The following TEKT5 variants were observed in gnomAD, a reference collection of about 807,000 sequenced individuals.
TEKT5 encodes the protein tektin-5.
Under a neutral mutation model 48.7 loss-of-function variants are expected in TEKT5, and 52 were observed. That is an observed-to-expected ratio of 1.07 (90% CI 0.86 to 1.35). The LOEUF (loss-of-function observed/expected upper bound fraction) is 1.35, where lower values mean the gene tolerates loss of function less well. TEKT5 is among the 40% of genes most tolerant of loss of function. The pLI is 0.00. For synonymous variants in TEKT5, 318 were observed against 267.6 expected (o/e 1.19, Z -1.84); for missense variants, 831 against 641.6 (o/e 1.30, Z -3.19).
intron 6 of TEKT5, among the ~76,000 whole-genome samples, chr16:10,628,389 C>G (rs1184851721): frequency 2.0e-5 from 3 of 152,222 alleles, no homozygotes; most frequent in Non-Finnish European, 4.4e-5. Context: ...ATAAGTTAGA[C>G]ATAGACTTAC....
intron 5 of TEKT5, among the ~76,000 whole-genome samples, chr16:10,665,595 T>C (rs982106995): frequency 6.6e-6 from 1 of 152,144 alleles, no homozygotes; most frequent in African/African-American, 2.4e-5. Context: ...TCCTCTCCCA[T>C]TTGGCATAGT....
At chr16:10,665,944 C>T (rs188752747) in intron 5 of TEKT5, among the ~76,000 whole-genome samples, 21 of 152,312 alleles carry the variant, frequency 1.4e-4, no homozygotes, top group Admixed American at 6.5e-4. Context: ...CCTACAGGAA[C>T]GCAGTCTTCA....
At chr16:10,631,509 G>T (rs1897841481) in intron 6 of TEKT5, among the ~76,000 whole-genome samples, 1 of 152,018 alleles carries the variant, frequency 6.6e-6, no homozygotes, top group Non-Finnish European at 1.5e-5. Flanking sequence ...CGGATCGGGT[G>T]GTGTTCCTCA....
At chr16:10,682,286 A>C in intron 3 of TEKT5, 150 bp from the exon 4 acceptor site, 1 of 769,368 alleles carries the variant, frequency 1.3e-6, no homozygotes. Flanking sequence ...GTCCCACCAC[A>C]TACCCAGAGG....
Position 10,689,940 on chromosome 16 carries a change from A to G in TEKT5, c.648+2T>C. 1 of 1,613,606 alleles carries G rather than the reference A, an allele frequency of 6.2e-7. No individual in the cohort carries two copies. Among genetic ancestry groups the G allele is most frequent in the Non-Finnish European group, 8.5e-7 (1 of 1,179,910 alleles). ...GCTGGGCAGAACCAGGAGATGCCTT[A>G]CCCGGATAAGGTTTTTCTCCACGTT... is the stretch of plus-strand genomic sequence containing the variant. On this transcript the variant is annotated splice_donor_variant, in intron 2 of 6. Coordinates refer to ENST00000283025, the MANE Select transcript of TEKT5 (RefSeq NM_144674.2). LOFTEE classifies it high-confidence loss of function.
chr16:10,658,284 G>C (rs62025795), intron 5 of TEKT5, among the ~76,000 whole-genome samples: 1 of 152,108 alleles, frequency 6.6e-6, no homozygotes, highest in African/African-American at 2.4e-5. Flanking sequence ...ATGAGAAAGA[G>C]TCCATATGTC....
intron 6 of TEKT5, among the ~76,000 whole-genome samples, chr16:10,628,561 C>T (rs1300047676): frequency 6.6e-6 from 1 of 152,130 alleles, no homozygotes; most frequent in South Asian, 2.1e-4. Context: ...AGTGGATAAG[C>T]ACAATGTAAT....
At chr16:10,640,274 C>T (rs2430642) in intron 5 of TEKT5, among the ~76,000 whole-genome samples, 3,436 of 152,060 alleles carry the variant, frequency 0.023, 129 homozygotes, top group African/African-American at 0.079. Flanking sequence ...TCCTCAGTAG[C>T]TGGGACTACA....
At chr16:10,644,799 C>T (rs566282717) in intron 5 of TEKT5, among the ~76,000 whole-genome samples, 1 of 152,282 alleles carries the variant, frequency 6.6e-6, no homozygotes, top group South Asian at 2.1e-4. Context: ...ATATAAACAA[C>T]AAAGCACTTT....
chr16:10,655,743 G>C (rs1898250333), intron 5 of TEKT5, among the ~76,000 whole-genome samples: 1 of 152,166 alleles, frequency 6.6e-6, no homozygotes, highest in Non-Finnish European at 1.5e-5. Flanking sequence ...TCAAACTTAA[G>C]ATGTGATGGT....
chr16:10,685,994 G>A (rs575395932), intron 3 of TEKT5, among the ~76,000 whole-genome samples: 7 of 152,230 alleles, frequency 4.6e-5, no homozygotes, highest in African/African-American at 1.7e-4. Flanking sequence ...CTTCCCAAAC[G>A]TCAGCCCTCC....
intron 6 of TEKT5, among the ~76,000 whole-genome samples, chr16:10,634,167 A>G (rs1185911536): frequency 6.6e-6 from 1 of 152,082 alleles, no homozygotes; most frequent in East Asian, 1.9e-4. Flanking sequence ...CTGGACCTCA[A>G]TTTATCTTCC....
intron 5 of TEKT5, among the ~76,000 whole-genome samples, chr16:10,667,357 G>A (rs1289146195): frequency 2.0e-5 from 3 of 152,278 alleles, no homozygotes; most frequent in African/African-American, 7.2e-5. Flanking sequence ...TGAACAGCCT[G>A]GAACCGACTC....
chr16:10,660,826 G>A (rs112352908), intron 5 of TEKT5, among the ~76,000 whole-genome samples: 2,349 of 152,006 alleles, frequency 0.015, 52 homozygotes, highest in African/African-American at 0.054. Flanking sequence ...TCAGCCTCCT[G>A]GGTAGCTGGG....
intron 4 of TEKT5, among the ~76,000 whole-genome samples, chr16:10,679,315 G>C (rs1259825010): frequency 6.6e-6 from 1 of 152,094 alleles, no homozygotes; most frequent in African/African-American, 2.4e-5. Flanking sequence ...AAATTAGCTA[G>C]GCGTGGTGGC....
At chr16:10,690,585 C>T (rs555172859) in intron 1 of TEKT5, 688 of 985,348 alleles carry the variant, frequency 7.0e-4, no homozygotes, top group Non-Finnish European at 7.8e-4. Flanking sequence ...GAACACTGCC[C>T]CTAAATATTA....
At chr16:10,693,804 C>G (rs528259638) in intron 1 of TEKT5, among the ~76,000 whole-genome samples, 1 of 152,170 alleles carries the variant, frequency 6.6e-6, no homozygotes, top group East Asian at 1.9e-4. Flanking sequence ...ACCCTGTCTT[C>G]ACTAAAAATA....
At chr16:10,651,145 C>T (rs2719732) in intron 5 of TEKT5, among the ~76,000 whole-genome samples, 68,893 of 151,954 alleles carry the variant, frequency 0.45, 17,729 homozygotes, top group African/African-American at 0.71. Flanking sequence ...TGCAGGGCAA[C>T]CCAATGCAAC....
intron 5 of TEKT5, among the ~76,000 whole-genome samples, chr16:10,653,535 T>C (rs55841248): frequency 0.083 from 12,671 of 152,286 alleles, 588 homozygotes; most frequent in African/African-American, 0.1. Flanking sequence ...TCATGCAATA[T>C]GCATTCAACA....
Sources: gnomAD v4.1 joint callset for allele counts (sites outside exome capture counted in the v4.1 genomes callset) on GRCh38, gnomAD v4.1.1 for gene constraint, MANE v1.5 for transcripts, NCBI Gene and HGNC (gene_info 2026-07-23, HGNC 2026-07-21) for gene names.